Variants in MYOCD observed in about 807,000 individuals in gnomAD.
The protein encoded by MYOCD is myocardin.
MYOCD carries 32 observed loss-of-function variants against 96.1 expected under a neutral mutation model. The ratio of observed to expected loss-of-function variants is 0.33; its 90% confidence interval spans 0.25 to 0.45. The LOEUF (loss-of-function observed/expected upper bound fraction) is 0.45. Ranked by LOEUF, MYOCD falls within the 20% of genes least tolerant of loss-of-function variation. The pLI is 1.00. For missense variants in MYOCD, 1,133 were observed against 1,200.6 expected (o/e 0.94, Z 0.83); for synonymous variants, 469 against 469.0 (o/e 1.00, Z 0.00).
intron 1 of MYOCD, among the ~76,000 whole-genome samples, chr17:12,670,532 A>G (rs1043231612): frequency 2.6e-5 from 4 of 152,152 alleles, no homozygotes; most frequent in African/African-American, 9.7e-5. Context: ...CATTTTCACC[A>G]TGAGCTCGAG....
chr17:12,731,783 G>A (rs373224041), intron 5 of MYOCD, among the ~76,000 whole-genome samples: 8 of 152,134 alleles, frequency 5.3e-5, no homozygotes, highest in Admixed American at 3.3e-4. Flanking sequence ...GGGCCACACC[G>A]AACACCACAG....
intron 1 of MYOCD, among the ~76,000 whole-genome samples, chr17:12,692,011 TGA>T (rs1217450128): frequency 1.3e-5 from 2 of 152,100 alleles, no homozygotes; most frequent in African/African-American, 4.8e-5. Flanking sequence ...ATTATCAGCA[TGA>T]GAGAGAGAGG....
Position 12,666,201 on chromosome 17 carries a change from G to A in MYOCD, c.13G>A (p.Gly5Arg). Residue 5 changes from glycine to arginine, a missense_variant, in exon 1 of 14, where the codon GGG becomes AGG. Gly to Arg is a moderately radical substitution (Grantham distance 125, BLOSUM62 -2). Transcript: ENST00000425538. ...GCTGAGACTCAACATGACACTCCTG[G>A]GGTCTGAGCATTCCTTGCTGATTAG... MTLLGSEHSLLIRSK... is the reference protein window; with the variant it reads MTLLRSEHSLLIRSK... The A allele has an allele frequency of 6.2e-7, 1 of 1,613,828 alleles. No homozygotes were observed.
chr17:12,751,986 C>T (rs914201242), intron 9 of MYOCD, among the ~76,000 whole-genome samples: 4 of 152,052 alleles, frequency 2.6e-5, no homozygotes, highest in African/African-American at 9.7e-5. Flanking sequence ...AGGAAGAGAA[C>T]GTGGTAGGAA....
intron 1 of MYOCD, among the ~76,000 whole-genome samples, chr17:12,683,163 C>T (rs780353936): frequency 2.8e-4 from 43 of 152,100 alleles, no homozygotes; most frequent in Non-Finnish European, 5.4e-4. Context: ...TGGCCACCTC[C>T]GACTGCTATT....
At chr17:12,751,889 A>G (rs544888296) in intron 9 of MYOCD, among the ~76,000 whole-genome samples, 2 of 152,324 alleles carry the variant, frequency 1.3e-5, no homozygotes, top group South Asian at 4.1e-4. Flanking sequence ...AGAAATGCGT[A>G]TCAACTGGGT....
chr17:12,747,093 A>C (rs536904399), intron 9 of MYOCD, among the ~76,000 whole-genome samples: 1 of 147,548 alleles, frequency 6.8e-6, no homozygotes, highest in East Asian at 2.0e-4. Context: ...ATTTGCTTTA[A>C]TTTTCACCCT....
chr17:12,678,600 T>C (rs1910247262), intron 1 of MYOCD, among the ~76,000 whole-genome samples: 1 of 152,172 alleles, frequency 6.6e-6, no homozygotes, highest in Non-Finnish European at 1.5e-5. Context: ...TGCCAAATTA[T>C]AGCACCTCTT....
intron 1 of MYOCD, chr17:12,672,109 A>G (rs746657390): frequency 6.6e-6 from 1 of 152,074 alleles, no homozygotes; most frequent in Non-Finnish European, 1.5e-5. Context: ...CTCTGTTTCC[A>G]TATTGGTAAA....
At chr17:12,676,779 A>G (rs1567567469) in intron 1 of MYOCD, among the ~76,000 whole-genome samples, 1 of 152,204 alleles carries the variant, frequency 6.6e-6, no homozygotes, top group Non-Finnish European at 1.5e-5. Context: ...CTCAATGTAT[A>G]TGTGGTATAG....
intron 1 of MYOCD, among the ~76,000 whole-genome samples, chr17:12,698,692 T>C (rs1288548413): frequency 6.8e-6 from 1 of 146,574 alleles, no homozygotes; most frequent in Non-Finnish European, 1.5e-5. Context: ...GATTTCTCCA[T>C]ATAGAAGCAA....
chr17:12,746,099 C>A (rs745375907), intron 9 of MYOCD, 27 bp downstream of exon 9: 5 of 1,609,414 alleles, frequency 3.1e-6, no homozygotes, highest in Non-Finnish European at 4.2e-6. Flanking sequence ...GAGTTTCTTT[C>A]TTTTTTTAAA....
intron 1 of MYOCD, among the ~76,000 whole-genome samples, chr17:12,689,660 C>T (rs762945367): frequency 9.9e-5 from 15 of 151,928 alleles, no homozygotes; most frequent in Admixed American, 2.6e-4. Flanking sequence ...GGTGAAACCC[C>T]GTCTCTACTA....
intron 11 of MYOCD, among the ~76,000 whole-genome samples, chr17:12,757,247 A>G (rs1459208070): frequency 1.3e-5 from 2 of 152,170 alleles, no homozygotes; most frequent in Non-Finnish European, 2.9e-5. Flanking sequence ...CTCAAGGGGC[A>G]AAGAAGAGGT....
chr17:12,762,032 GA>G (rs1268077118), intron 13 of MYOCD: 1 of 152,268 alleles, frequency 6.6e-6, no homozygotes, highest in Non-Finnish European at 1.5e-5. Context: ...ACTTAATCAT[GA>G]ATGAACTGAG....
At chr17:12,673,007 C>T (rs1225072786) in intron 1 of MYOCD, among the ~76,000 whole-genome samples, 1 of 152,128 alleles carries the variant, frequency 6.6e-6, no homozygotes, top group Non-Finnish European at 1.5e-5. Context: ...TTAGTTGTTT[C>T]TCATAAAATA....
intron 1 of MYOCD, among the ~76,000 whole-genome samples, chr17:12,693,707 A>C (rs2150659844): frequency 6.6e-6 from 1 of 151,586 alleles, no homozygotes; most frequent in Non-Finnish European, 1.5e-5. Context: ...CCAGACATGA[A>C]AATATATATC....
intron 1 of MYOCD, among the ~76,000 whole-genome samples, chr17:12,688,447 C>T (rs2030246251): frequency 6.6e-6 from 1 of 151,652 alleles, no homozygotes; most frequent in East Asian, 1.9e-4. Context: ...TCCTTCCTTC[C>T]ATCTCCTTCC....
chr17:12,715,614 G>A, intron 3 of MYOCD, 40 bp downstream of exon 3: 2 of 1,518,756 alleles, frequency 1.3e-6, no homozygotes, highest in Non-Finnish European at 1.8e-6. Flanking sequence ...TTAGACTATA[G>A]GTTATGAATC....
Sources: allele counts gnomAD v4.1 joint callset (sites outside exome capture counted in the v4.1 genomes callset), GRCh38; gene constraint gnomAD v4.1.1; transcripts MANE v1.5; gene names NCBI Gene and HGNC (gene_info 2026-07-23, HGNC 2026-07-21).